The following SCLT1 variants were observed in gnomAD, a reference collection of about 807,000 sequenced individuals.
SCLT1 encodes the protein sodium channel-associated protein 1.
In SCLT1, 78 loss-of-function variants were observed where a neutral mutation model predicts 112.8. That is an observed-to-expected ratio of 0.69 (90% confidence interval 0.58 to 0.83). The LOEUF (loss-of-function observed/expected upper bound fraction) is 0.83. SCLT1 is among the 40% of genes least tolerant of loss of function. The pLI is 0.00. For synonymous variants in SCLT1, 257 were observed against 254.7 expected (o/e 1.01, Z -0.09); for missense variants, 747 against 770.4 (o/e 0.97, Z 0.36).
intron 4 of SCLT1, 170 bp from the exon 5 acceptor site, chr4:129,039,266 G>A: frequency 1.9e-6 from 1 of 515,660 alleles, no homozygotes; most frequent in Non-Finnish European, 3.5e-6. Flanking sequence ...CTAATAAACA[G>A]AACACAATAA....
At chr4:129,015,987 A>G (rs1744956883) in intron 5 of SCLT1, among the ~76,000 whole-genome samples, 2 of 152,078 alleles carry the variant, frequency 1.3e-5, no homozygotes, top group Non-Finnish European at 2.9e-5. Context: ...TCTTACTGAT[A>G]TTCAGTTAAA....
chr4:128,931,375 A>G (rs1736748034), intron 18 of SCLT1, among the ~76,000 whole-genome samples: 1 of 152,196 alleles, frequency 6.6e-6, no homozygotes. Context: ...TCAGCATTCG[A>G]CTATCTTTTA....
chr4:128,899,672 C>A (rs1459584933), intron 18 of SCLT1, among the ~76,000 whole-genome samples: 1 of 152,094 alleles, frequency 6.6e-6, no homozygotes, highest in Non-Finnish European at 1.5e-5. Context: ...AAGTTCTGGC[C>A]AGGGCAATCA....
At chr4:129,041,346 T>C (rs1008860188) in intron 4 of SCLT1, among the ~76,000 whole-genome samples, 1 of 152,208 alleles carries the variant, frequency 6.6e-6, no homozygotes. Flanking sequence ...AATGCTTTTA[T>C]TTGACATTTG....
intron 11 of SCLT1, among the ~76,000 whole-genome samples, chr4:128,963,423 A>G (rs1184379952): frequency 6.6e-6 from 1 of 152,140 alleles, no homozygotes; most frequent in African/African-American, 2.4e-5. Flanking sequence ...CCAGAACCTA[A>G]AACACTGGCT....
chr4:129,045,193 G>A (rs893637936), intron 2 of SCLT1, among the ~76,000 whole-genome samples: 6 of 151,894 alleles, frequency 4.0e-5, no homozygotes, highest in South Asian at 2.1e-4. Flanking sequence ...CTTTCTTAAC[G>A]TCACAAATGC....
At chr4:129,082,742 G>C (rs898028041) in intron 1 of SCLT1, among the ~76,000 whole-genome samples, 4 of 152,138 alleles carry the variant, frequency 2.6e-5, no homozygotes, top group African/African-American at 9.7e-5. Context: ...ATAAGCTATA[G>C]TCATATTTTT....
intron 1 of SCLT1, among the ~76,000 whole-genome samples, chr4:129,090,889 T>C (rs73848903): frequency 6.6e-6 from 1 of 152,138 alleles, no homozygotes; most frequent in Non-Finnish European, 1.5e-5. Context: ...AAAGCTGAAA[T>C]AGTAATTATC....
At chr4:129,020,754 A>G (rs1214413391) in intron 5 of SCLT1, among the ~76,000 whole-genome samples, 4 of 152,208 alleles carry the variant, frequency 2.6e-5, no homozygotes, top group Non-Finnish European at 4.4e-5. Flanking sequence ...TGTTTTTTAC[A>G]GCAAAAAGAT....
chr4:128,980,711 G>A lies in SCLT1; in HGVS notation c.687-10243C>T, dbSNP rs191870667. Among the ~76,000 whole-genome samples the A allele has an allele frequency of 1.4e-4, 22 of 152,198 alleles. No individual in the cohort carries two copies. The East Asian group carries it at 4.3e-3, about 29-fold the overall frequency. On this transcript the variant is annotated intron_variant, in intron 9 of 20. Transcript: ENST00000281142. The stretch of plus-strand genomic sequence containing the variant: ...TAAAAGTCAATACAGCTTAAATGCT[G>A]GATCTATAATGAGAAACACTAAAAA...
chr4:128,943,134 T>C lies in SCLT1; in HGVS notation c.1494A>G (p.Val498=), dbSNP rs144333168. The change falls in exon 17 of 21, where the codon GTA becomes GTG. Residue 498 remains valine (V), a synonymous_variant. Coordinates refer to ENST00000281142, the MANE Select transcript of SCLT1 (RefSeq NM_144643.4). Reference sequence around the variant, plus strand: ...CACAGTTCTCTCTCTCAGACTCCAATACATTTTGAAGTTTCTGAATCATTT... The same window carrying C: ...CACAGTTCTCTCTCTCAGACTCCAACACATTTTGAAGTTTCTGAATCATTT... ...YQEMIQKLQN[V]LESERENCGL... The C allele has an allele frequency of 2.2e-3, 3,470 of 1,611,948 alleles. 5 individuals are homozygous for C. Among genetic ancestry groups the C allele is most frequent in the Non-Finnish European group, 2.6e-3 (3,122 of 1,178,826 alleles).
At position 129,067,479 on chromosome 4, in the gene SCLT1, C is replaced by T. The variant is rs141337526; in HGVS notation, c.102+14827G>A. Among the ~76,000 whole-genome samples the T allele has an allele frequency of 1.5e-4, 23 of 151,794 alleles. No homozygotes were observed. In the East Asian group the frequency reaches 4.3e-3, roughly 28 times the overall value. On this transcript the variant is annotated intron_variant, in intron 2 of 20. Coordinates refer to ENST00000281142, the MANE Select transcript of SCLT1 (RefSeq NM_144643.4). ...TCAAAAACTGATTTATCCTAGACTA[C>T]TAACAATAGTTTATACTTTAAAAAG...
chr4:129,075,439 A>T (rs1420704676), intron 2 of SCLT1, among the ~76,000 whole-genome samples: 2 of 152,172 alleles, frequency 1.3e-5, no homozygotes, highest in African/African-American at 4.8e-5. Flanking sequence ...TTAAATCATC[A>T]ATCTCCTAGC....
intron 5 of SCLT1, chr4:128,873,990 T>C (rs753300049): frequency 1.3e-5 from 2 of 152,662 alleles, no homozygotes; most frequent in Admixed American, 1.3e-4. Flanking sequence ...AAGGACATTT[T>C]AGTAGCTAAT....
intron 18 of SCLT1, among the ~76,000 whole-genome samples, chr4:128,907,853 G>A (rs1734802887): frequency 6.6e-6 from 1 of 152,136 alleles, no homozygotes; most frequent in African/African-American, 2.4e-5. Context: ...TCCCTGCAAT[G>A]TATCCATCTC....
chr4:129,057,627 T>G (rs569425082), intron 2 of SCLT1, among the ~76,000 whole-genome samples: 13 of 151,854 alleles, frequency 8.6e-5, no homozygotes, highest in Non-Finnish European at 1.3e-4. Context: ...TGTTCAGGTT[T>G]TCTATTTCTT....
At position 129,003,919 on chromosome 4, in the gene SCLT1, G is replaced by A. The variant is rs574611506; in HGVS notation, c.291-43C>T. ...AACATGATAGCCTCAAGTCATTTTCGTAACAGTAATTACTGTTTCGAGGTC... is the reference window on the plus strand; with the variant it reads ...AACATGATAGCCTCAAGTCATTTTCATAACAGTAATTACTGTTTCGAGGTC... On this transcript the variant is annotated intron_variant, in intron 5 of 20. Coordinates refer to ENST00000281142, the MANE Select transcript of SCLT1 (RefSeq NM_144643.4). The A allele has an allele frequency of 2.3e-4, 369 of 1,582,060 alleles. 4 individuals carry two copies. In the South Asian group the frequency reaches 3.6e-3, roughly 15 times the overall value.
intron 9 of SCLT1, chr4:128,971,204 T>G (rs192561531): frequency 1.3e-5 from 2 of 152,206 alleles, no homozygotes; most frequent in East Asian, 3.9e-4. Context: ...GAACATACAT[T>G]TTCAAGAAAA....
intron 13 of SCLT1, among the ~76,000 whole-genome samples, chr4:128,954,995 C>A (rs1739102165): frequency 6.6e-6 from 1 of 152,084 alleles, no homozygotes; most frequent in Admixed American, 6.5e-5. Context: ...TAAGAGGGTA[C>A]ATATTTTGAA....
Sources: allele counts gnomAD v4.1 joint callset (sites outside exome capture counted in the v4.1 genomes callset), GRCh38; gene constraint gnomAD v4.1.1; transcripts MANE v1.5; gene names NCBI Gene and HGNC (gene_info 2026-07-23, HGNC 2026-07-21).